Variants in AUH observed in about 807,000 individuals in gnomAD.
AUH encodes the protein methylglutaconyl-CoA hydratase, mitochondrial.
A neutral mutation model predicts 42.3 loss-of-function variants in AUH; 29 were observed. That is an observed-to-expected ratio of 0.69 (90% confidence interval 0.51 to 0.93). The LOEUF is 0.93. Ranked by LOEUF, AUH falls within the 40% of genes least tolerant of loss-of-function variation. The probability of loss-of-function intolerance (pLI) is 0.00; values close to 1 mark genes in which losing one functional copy is unlikely to be tolerated. For missense variants in AUH, 452 were observed against 438.1 expected (o/e 1.03, Z -0.28); for synonymous variants, 174 against 166.4 (o/e 1.05, Z -0.35).
intron 6 of AUH, among the ~76,000 whole-genome samples, chr9:91,266,883 T>C (rs1413625187): frequency 6.6e-6 from 1 of 152,218 alleles, no homozygotes; most frequent in African/African-American, 2.4e-5. Flanking sequence ...TAGCAAACTT[T>C]ATAAAAAATT....
intron 6 of AUH, chr9:91,294,599 G>A (rs1332431359): frequency 3.5e-5 from 15 of 425,538 alleles, no homozygotes; most frequent in South Asian, 2.3e-4. Context: ...AGCTGCCATA[G>A]ACAGTGATTC....
chr9:91,250,174 CG>C (rs2131381729), intron 6 of AUH, among the ~76,000 whole-genome samples: 1 of 152,284 alleles, frequency 6.6e-6, no homozygotes, highest in Admixed American at 6.5e-5. Flanking sequence ...CCTGGAGTCC[CG>C]GAGGTCTGAG....
intron 3 of AUH, among the ~76,000 whole-genome samples, chr9:91,334,439 G>T (rs536426535): frequency 1.3e-5 from 2 of 152,304 alleles, no homozygotes; most frequent in Admixed American, 1.3e-4. Flanking sequence ...CCGCCCCACT[G>T]CTAGAGTTGG....
At position 91,251,230 on chromosome 9, in the gene AUH, G is replaced by A. The variant is rs201159482; in HGVS notation, c.656-30238C>T. 3.9e-5 allele frequency among the ~76,000 whole-genome samples: 6 copies of A among 152,316 alleles called. No homozygotes were observed. In the East Asian group the frequency reaches 1.2e-3, roughly 29 times the overall value. The stretch of plus-strand genomic sequence containing the variant: ...AGTCCCCTCTAGGTGCAGCAGCAGT[G>A]CTCCAACATTTGGAGTGCAATGACA... On this transcript the variant is annotated intron_variant, in intron 6 of 9. Transcript: ENST00000375731.
At chr9:91,220,686 T>A in intron 7 of AUH, 119 bp downstream of exon 7, 1 of 1,017,242 alleles carries the variant, frequency 9.8e-7, no homozygotes, top group Admixed American at 2.1e-5. Flanking sequence ...AGCCCACGCA[T>A]CCCTTTACTT....
intron 6 of AUH, among the ~76,000 whole-genome samples, chr9:91,293,093 C>G (rs1827041051): frequency 6.6e-6 from 1 of 152,198 alleles, no homozygotes. Context: ...TGCATGTATT[C>G]TGACGGCTCA....
At chr9:91,220,508 G>A (rs535144248) in intron 7 of AUH, among the ~76,000 whole-genome samples, 3 of 152,290 alleles carry the variant, frequency 2.0e-5, no homozygotes, top group South Asian at 4.1e-4. Context: ...CTCAGCTGGT[G>A]AGCAAATTAA....
At chr9:91,215,843 G>A (rs1411166816) in intron 9 of AUH, among the ~76,000 whole-genome samples, 1 of 152,110 alleles carries the variant, frequency 6.6e-6, no homozygotes. Context: ...TACTCTAAGA[G>A]TTTTCTAGAT....
intron 6 of AUH, among the ~76,000 whole-genome samples, chr9:91,222,253 C>A (rs1008852728): frequency 6.6e-6 from 1 of 151,984 alleles, no homozygotes; most frequent in South Asian, 2.1e-4. Context: ...AAATTAAAGA[C>A]CACAAGAAGG....
chr9:91,233,521 T>G (rs918040012), intron 6 of AUH, among the ~76,000 whole-genome samples: 1 of 152,158 alleles, frequency 6.6e-6, no homozygotes, highest in African/African-American at 2.4e-5. Flanking sequence ...TAATGAAGAT[T>G]TGAGCTTGTC....
intron 4 of AUH, among the ~76,000 whole-genome samples, chr9:91,313,899 T>C (rs1403931748): frequency 2.0e-5 from 3 of 150,702 alleles, no homozygotes; most frequent in Non-Finnish European, 4.4e-5. Context: ...TCTCGGCTCA[T>C]TGCAACCTCC....
intron 6 of AUH, among the ~76,000 whole-genome samples, chr9:91,276,031 G>A (rs544587961): frequency 6.6e-6 from 1 of 152,096 alleles, no homozygotes; most frequent in African/African-American, 2.4e-5. Context: ...TCCATGGAAG[G>A]ACAAAAGTAA....
intron 8 of AUH, 52 bp from the exon 9 acceptor site, chr9:91,216,158 G>T: frequency 6.5e-7 from 1 of 1,527,432 alleles, no homozygotes; most frequent in Non-Finnish European, 9.1e-7. Flanking sequence ...GCGAAATGTG[G>T]TATATTCAAC....
chr9:91,281,470 A>C (rs1016967360), intron 6 of AUH, among the ~76,000 whole-genome samples: 5 of 152,204 alleles, frequency 3.3e-5, no homozygotes, highest in African/African-American at 1.2e-4. Flanking sequence ...GAAAAAAATG[A>C]ATCCCACGGT....
At chr9:91,311,368 T>C (rs1828688607) in intron 4 of AUH, among the ~76,000 whole-genome samples, 2 of 152,246 alleles carry the variant, frequency 1.3e-5, no homozygotes, top group Admixed American at 6.5e-5. Context: ...CTTTTGCAAT[T>C]TTATTTCATC....
intron 6 of AUH, 107 bp from the exon 7 acceptor site, chr9:91,221,099 A>G (rs774441063): frequency 2.8e-4 from 352 of 1,260,724 alleles, no homozygotes; most frequent in Middle Eastern, 5.3e-4. Flanking sequence ...CCAGAAGTTT[A>G]TATGTTAAAA....
At chr9:91,250,375 AAC>A (rs1432866039) in intron 6 of AUH, among the ~76,000 whole-genome samples, 2 of 152,212 alleles carry the variant, frequency 1.3e-5, no homozygotes, top group Non-Finnish European at 2.9e-5. Flanking sequence ...TCACTCAGCA[AAC>A]ACAGTGTCTA....
At chr9:91,243,546 TTC>T (rs1449098525) in intron 6 of AUH, among the ~76,000 whole-genome samples, 3 of 152,224 alleles carry the variant, frequency 2.0e-5, no homozygotes, top group Non-Finnish European at 4.4e-5. Flanking sequence ...TCGCTTTCTA[TTC>T]TCTGTGCTGG....
rs912483266 is a variant in AUH at position 91,259,230 on chromosome 9, G to A, written c.655+36791C>T. Reference sequence around the variant, plus strand: ...AAGTATTCAGATTCCCTATTCTCATGTCATGTTTTGGTAATTGTGTCTTGC... The same window carrying A: ...AAGTATTCAGATTCCCTATTCTCATATCATGTTTTGGTAATTGTGTCTTGC... On this transcript the variant is annotated intron_variant, in intron 6 of 9. Coordinates refer to ENST00000375731, the MANE Select transcript of AUH (RefSeq NM_001698.3). Among the ~76,000 whole-genome samples, 5 of 152,278 alleles carry A rather than the reference G, an allele frequency of 3.3e-5. No homozygotes were observed. In the South Asian group the frequency reaches 6.2e-4, roughly 19 times the overall value.
Sources: allele counts gnomAD v4.1 joint callset (sites outside exome capture counted in the v4.1 genomes callset), GRCh38; gene constraint gnomAD v4.1.1; transcripts MANE v1.5; gene names NCBI Gene and HGNC (gene_info 2026-07-23, HGNC 2026-07-21).